ADGRG6: variants seen among roughly 807,000 people sequenced by gnomAD.
The protein encoded by ADGRG6 is adhesion G protein-coupled receptor G6, also known as G-protein coupled receptor 126.
ADGRG6 carries 84 observed loss-of-function variants against 142.4 expected under a neutral mutation model. That is an observed-to-expected ratio of 0.59 (90% CI 0.49 to 0.71). The LOEUF (loss-of-function observed/expected upper bound fraction) is 0.71. Ranked by LOEUF, ADGRG6 falls within the 30% of genes least tolerant of loss-of-function variation. The probability of loss-of-function intolerance (pLI) is 0.00; values close to 1 mark genes in which losing one functional copy is unlikely to be tolerated. For missense variants in ADGRG6, 1,367 were observed against 1,466.6 expected, an observed-to-expected ratio of 0.93 and a Z score of 1.11; for synonymous variants, 521 against 520.5, an observed-to-expected ratio of 1.00 and a Z score of -0.01.
At chr6:142,321,820 A>AT (rs1448903361) in intron 2 of ADGRG6, among the ~76,000 whole-genome samples, 4 of 152,082 alleles carry the variant, frequency 2.6e-5, no homozygotes, top group Non-Finnish European at 4.4e-5. Context: ...AAATCTGTGC[A>AT]TTTTTTTCTA....
chr6:142,437,579 A>C lies in ADGRG6; in HGVS notation c.3421+44A>C, dbSNP rs201957005. 2,492 of 905,016 alleles carry C rather than the reference A, an allele frequency of 2.8e-3. 62 individuals are homozygous for C. In the South Asian group the frequency reaches 0.031, roughly 11 times the overall value. The allele number at this position is 905,016 out of a possible 1,614,324, so 56.1% of individuals were successfully genotyped here. A position where few individuals can be genotyped will look rare whatever the true frequency, so the allele number is the denominator to read the frequency against. On this transcript the variant is annotated intron_variant, in intron 23 of 24. Transcript: ENST00000367609. Reference sequence around the variant, plus strand: ...AATTTTACATCTACAAGTAGATGGGAAAGTTTGTCATTCAGTCTTTCATTG... The same window carrying C: ...AATTTTACATCTACAAGTAGATGGGCAAGTTTGTCATTCAGTCTTTCATTG...
chr6:142,331,666 CT>C (rs1684341471), intron 2 of ADGRG6, among the ~76,000 whole-genome samples: 1 of 152,102 alleles, frequency 6.6e-6, no homozygotes, highest in South Asian at 2.1e-4. Context: ...ATATTGATTA[CT>C]GTTGGCAGTG....
chr6:142,315,136 T>G (rs1247660012), intron 2 of ADGRG6, among the ~76,000 whole-genome samples: 1 of 152,150 alleles, frequency 6.6e-6, no homozygotes, highest in Non-Finnish European at 1.5e-5. Context: ...GTAACTTTCT[T>G]GGACAAGATA....
At chr6:142,308,434 G>A (rs1415582627) in intron 1 of ADGRG6, among the ~76,000 whole-genome samples, 1 of 151,900 alleles carries the variant, frequency 6.6e-6, no homozygotes, top group African/African-American at 2.4e-5. Flanking sequence ...GGAGTCCTTT[G>A]ATGTCTAATT....
At chr6:142,314,363 G>T (rs1777922894) in intron 2 of ADGRG6, among the ~76,000 whole-genome samples, 1 of 152,160 alleles carries the variant, frequency 6.6e-6, no homozygotes. Flanking sequence ...GAGATGTCAG[G>T]TGTCCTACTT....
chr6:142,405,647 A>T, intron 14 of ADGRG6, 41 bp from the exon 15 acceptor site: 1 of 1,532,474 alleles, frequency 6.5e-7, no homozygotes, highest in Non-Finnish European at 9.0e-7. Context: ...TTACCATTCA[A>T]TTATGATTAC....
In ADGRG6 at chr6:142,402,028, T is replaced by C. The variant is rs1465724979; in HGVS notation, c.1714T>C (p.Trp572Arg). 6.4e-7 allele frequency: 1 copy of C among 1,560,480 alleles called. No individual in the cohort carries two copies. Among genetic ancestry groups the C allele is most frequent in the Non-Finnish European group, 8.8e-7 (1 of 1,138,216 alleles). The change falls in exon 12 of 25, where the codon TGG becomes CGG. Residue 572 changes from tryptophan (W) to arginine (R), a missense_variant. Physicochemically the swap from Trp to Arg is moderately radical, Grantham distance 101 (BLOSUM62 -3). Around this residue, in one of 3 missense-constraint regions of ADGRG6, gnomAD observed 737 missense variants for 746.5 expected, o/e 0.99. Coordinates refer to ENST00000367609, the MANE Select transcript of ADGRG6 (RefSeq NM_198569.3). ...TGCTACCAACCCATTGGTAACCTAC[T>C]GGGGACCTGTTGATATCTCCAACTG... ...YNATNPLVTY[W>R]GPVDISNCLK...
intron 2 of ADGRG6, among the ~76,000 whole-genome samples, chr6:142,315,665 T>C (rs953509844): frequency 6.6e-6 from 1 of 151,942 alleles, no homozygotes; most frequent in South Asian, 2.1e-4. Flanking sequence ...ACCCCGACTC[T>C]ACTAAAAATC....
intron 2 of ADGRG6, among the ~76,000 whole-genome samples, chr6:142,339,590 GCATGATC>G (rs754302367): frequency 1.6e-3 from 250 of 152,178 alleles, no homozygotes; most frequent in Admixed American, 3.1e-3. Context: ...ATTTTAAAAA[GCATGATC>G]CTTTTGTGGT....
At chr6:142,366,042 A>G (rs908490065) in intron 2 of ADGRG6, among the ~76,000 whole-genome samples, 1 of 152,210 alleles carries the variant, frequency 6.6e-6, no homozygotes, top group Non-Finnish European at 1.5e-5. Context: ...AAATGAGATT[A>G]CTGCCTTCAT....
At position 142,419,850 on chromosome 6, in the gene ADGRG6, A is replaced by G. The variant is rs756890815; in HGVS notation, c.3065A>G (p.Tyr1022Cys). 6.2e-7 allele frequency: 1 copy of G among 1,611,170 alleles called. No individual in the cohort carries two copies. The highest frequency in any genetic ancestry group is 8.5e-7 in the Non-Finnish European group (1 of 1,178,448). Reference sequence around the variant, plus strand: ...TGGATTCAAGATCCAGTCATATTTTATGTGACCTGTGCTGGGTATTTTGGA... The same window carrying G: ...TGGATTCAAGATCCAGTCATATTTTGTGTGACCTGTGCTGGGTATTTTGGA... ...FCWIQDPVIF[Y>C]VTCAGYFGVM... Residue 1022 changes from tyrosine (Y) to cysteine (C), a missense_variant, in exon 22 of 25, where the codon TAT becomes TGT. By Grantham distance (194) the Tyr-to-Cys change is radical. Coordinates refer to ENST00000367609, the MANE Select transcript of ADGRG6 (RefSeq NM_198569.3).
At chr6:142,310,789 T>C (rs1236330237) in intron 2 of ADGRG6, among the ~76,000 whole-genome samples, 2 of 151,856 alleles carry the variant, frequency 1.3e-5, no homozygotes, top group Non-Finnish European at 3.0e-5. Context: ...ATTTTCCTTA[T>C]TACTGTCATT....
chr6:142,334,034 G>C (rs1176665681), intron 2 of ADGRG6, among the ~76,000 whole-genome samples: 1 of 152,090 alleles, frequency 6.6e-6, no homozygotes, highest in Non-Finnish European at 1.5e-5. Context: ...TCAGATTTTT[G>C]TCTGAAGGAA....
intron 18 of ADGRG6, among the ~76,000 whole-genome samples, chr6:142,412,452 A>T (rs893906910): frequency 6.6e-6 from 1 of 152,134 alleles, no homozygotes; most frequent in East Asian, 1.9e-4. Context: ...TGTGGGATGT[A>T]GTATTTGGCT....
At chr6:142,320,448 C>T (rs1461350032) in intron 2 of ADGRG6, among the ~76,000 whole-genome samples, 2 of 152,032 alleles carry the variant, frequency 1.3e-5, no homozygotes, top group African/African-American at 4.8e-5. Flanking sequence ...AATAGCACTG[C>T]TAACTTGACT....
intron 1 of ADGRG6, among the ~76,000 whole-genome samples, chr6:142,309,103 G>A (rs1399417916): frequency 6.6e-6 from 1 of 151,822 alleles, no homozygotes; most frequent in Non-Finnish European, 1.5e-5. Flanking sequence ...CGTTTGTAAA[G>A]CAGCAGACAT....
chr6:142,343,063 T>C (rs1409723839), intron 2 of ADGRG6, among the ~76,000 whole-genome samples: 2 of 151,782 alleles, frequency 1.3e-5, no homozygotes, highest in East Asian at 1.9e-4. Context: ...AAACTACTTA[T>C]ATAGGGTATG....
intron 3 of ADGRG6, among the ~76,000 whole-genome samples, chr6:142,368,612 A>G (rs1428289040): frequency 6.6e-6 from 1 of 151,938 alleles, no homozygotes; most frequent in Non-Finnish European, 1.5e-5. Flanking sequence ...AATGACTATT[A>G]TGATTTAGTT....
At chr6:142,375,627 G>A (rs1005709348) in intron 4 of ADGRG6, among the ~76,000 whole-genome samples, 7 of 152,030 alleles carry the variant, frequency 4.6e-5, no homozygotes. Flanking sequence ...GCTGTTTATG[G>A]TTATAATTTC....
Sources: allele counts gnomAD v4.1 joint callset (sites outside exome capture counted in the v4.1 genomes callset), GRCh38; gene constraint gnomAD v4.1.1; regional missense constraint gnomAD v4.1.1; transcripts MANE v1.5; gene names NCBI Gene and HGNC (gene_info 2026-07-23, HGNC 2026-07-21).